SAP130: variants seen among roughly 807,000 people sequenced by gnomAD.
SAP130 encodes the protein Sin3A associated protein 130, also known as histone deacetylase complex subunit SAP130.
In SAP130, 16 loss-of-function variants were observed where a neutral mutation model predicts 103.2. The observed-to-expected ratio is 0.16, with a 90% CI of 0.10 to 0.24. The LOEUF (loss-of-function observed/expected upper bound fraction) is 0.24, where lower values mean the gene tolerates loss of function less well. SAP130 is among the 10% of genes least tolerant of loss of function. The pLI is 1.00. For missense variants in SAP130, 990 were observed against 1,359.7 expected (o/e 0.73, Z 4.28); for synonymous variants, 477 against 497.0 (o/e 0.96, Z 0.53).
chr2:127,977,997 G>A lies in SAP130; in HGVS notation c.2051C>T (p.Pro684Leu), dbSNP rs1206286443. 5 of 1,551,660 alleles carry A rather than the reference G, an allele frequency of 3.2e-6. No individual in the cohort carries two copies. The African/African-American group carries it at 6.8e-5, about 21-fold the overall frequency. The change falls in exon 15 of 21, where the codon CCT becomes CTT. Residue 684 changes from proline to leucine, a missense_variant. Physicochemically the swap from Pro to Leu is moderately conservative, Grantham distance 98. Coordinates refer to ENST00000643581, the MANE Select transcript of SAP130 (RefSeq NM_001330301.2). ...CTTAGGTGCTCACCCTGCAGGCCTAGGTGACCCAGACGTACTCCGCATAGA... is the reference window on the plus strand; with the variant it reads ...CTTAGGTGCTCACCCTGCAGGCCTAAGTGACCCAGACGTACTCCGCATAGA... ...ESSMRSTSGS[P>L]RPAGAKPKSE...
chr2:127,989,339 C>T lies in SAP130; in HGVS notation c.1780+225G>A, dbSNP rs2105009689. 6.6e-6 allele frequency among the ~76,000 whole-genome samples: 1 copy of T among 152,160 alleles called. No homozygotes were observed. Among genetic ancestry groups the T allele is most frequent in the African/African-American group, 2.4e-5 (1 of 41,508 alleles). On this transcript the variant is annotated intron_variant, in intron 13 of 20. Coordinates refer to ENST00000643581, the MANE Select transcript of SAP130 (RefSeq NM_001330301.2). The surrounding 1 kb of genome is among the most constrained non-coding windows in gnomAD (Gnocchi z 4.6). ...GTCTTGATCTCCTGACCTCGTGATC[C>T]ACCCGCCTCAGCCTCCCAAAGTGCT...
At chr2:127,991,220 A>G (rs1225929115) in intron 12 of SAP130, among the ~76,000 whole-genome samples, 1 of 152,226 alleles carries the variant, frequency 6.6e-6, no homozygotes, top group Non-Finnish European at 1.5e-5. Context: ...ACTACACTCC[A>G]GCCTGGGCAA....
chr2:127,981,910 C>A (rs956419153), intron 14 of SAP130, among the ~76,000 whole-genome samples: 1 of 152,136 alleles, frequency 6.6e-6, no homozygotes, highest in East Asian at 1.9e-4. Flanking sequence ...GTAAGGGGGG[C>A]TGCCTCCTCT....
chr2:127,950,416 A>C lies in SAP130; in HGVS notation c.2423-8T>G, dbSNP rs748216318. On this transcript the variant is annotated splice_region_variant and splice_polypyrimidine_tract_variant and intron_variant, in intron 16 of 20. Coordinates refer to ENST00000643581, the MANE Select transcript of SAP130 (RefSeq NM_001330301.2). ...TAGCCAGTGGAGGAACTGCTGTCAT[A>C]GGAAAAGGAGCACACATATCTGTAA... is the stretch of plus-strand genomic sequence containing the variant. The C allele has an allele frequency of 6.8e-6, 11 of 1,613,916 alleles. No homozygotes were observed. The highest frequency in any genetic ancestry group is 9.3e-6 in the Non-Finnish European group (11 of 1,179,902).
At chr2:127,981,480 G>A (rs1453466963) in intron 14 of SAP130, among the ~76,000 whole-genome samples, 2 of 96,816 alleles carry the variant, frequency 2.1e-5, no homozygotes, top group African/African-American at 8.5e-5. Context: ...CTGCACCCCC[G>A]ACTCAGCTCC....
intron 6 of SAP130, 21 bp downstream of exon 6, chr2:128,013,009 G>T: frequency 6.3e-7 from 1 of 1,594,836 alleles, no homozygotes. Flanking sequence ...GGCCCTTAAT[G>T]CACCCCAGGC....
chr2:127,941,377 A>C lies in SAP130; in HGVS notation c.*629T>G, dbSNP rs1678695261. On this transcript the variant is annotated 3_prime_UTR_variant, in exon 21 of 21. Transcript: ENST00000643581. The stretch of plus-strand genomic sequence containing the variant: ...ATGGTGTTGCCTGCTCTGAACCTCC[A>C]CAAAAACCCAGTTCTGACACACGCA... 6.6e-6 allele frequency: 1 copy of C among 152,180 alleles called. No homozygotes were observed. Among genetic ancestry groups the C allele is most frequent in the Non-Finnish European group, 1.5e-5 (1 of 68,042 alleles). 9.4% of individuals were successfully genotyped at this position (152,180 alleles called of 1,614,324 possible).
At chr2:127,992,200 G>C (rs959750528) in intron 12 of SAP130, among the ~76,000 whole-genome samples, 1 of 151,870 alleles carries the variant, frequency 6.6e-6, no homozygotes, top group Non-Finnish European at 1.5e-5. Context: ...TCAAACTTTT[G>C]GGCCCAAGTG....
intron 11 of SAP130, among the ~76,000 whole-genome samples, chr2:127,995,538 G>C (rs1683118508): frequency 6.6e-6 from 1 of 152,160 alleles, no homozygotes; most frequent in African/African-American, 2.4e-5. Flanking sequence ...GTGGATAAGA[G>C]AAAGTTTCTT....
chr2:128,025,795 A>G (rs1374634994), intron 2 of SAP130, among the ~76,000 whole-genome samples: 1 of 152,128 alleles, frequency 6.6e-6, no homozygotes, highest in East Asian at 1.9e-4. Flanking sequence ...CCATAGGGAA[A>G]CCGCATATCC....
chr2:127,968,949 T>C (rs999978169), intron 15 of SAP130, among the ~76,000 whole-genome samples: 2 of 152,208 alleles, frequency 1.3e-5, no homozygotes, highest in Admixed American at 6.5e-5. Context: ...ACACCAGACA[T>C]GAGGACTCAT....
At chr2:127,949,344 G>A (rs1301019637) in intron 18 of SAP130, among the ~76,000 whole-genome samples, 1 of 152,140 alleles carries the variant, frequency 6.6e-6, no homozygotes, top group Non-Finnish European at 1.5e-5. Context: ...ATCATATGTG[G>A]GTTTATTAAA....
At chr2:128,027,818 G>A in intron 1 of SAP130, 122 bp downstream of exon 1, 3 of 627,884 alleles carry the variant, frequency 4.8e-6, no homozygotes, top group Non-Finnish European at 6.0e-6. Context: ...CCGAGCCGCA[G>A]GAGACGAGGA....
chr2:128,020,777 T>C (rs1006496707), intron 2 of SAP130, among the ~76,000 whole-genome samples: 2 of 151,968 alleles, frequency 1.3e-5, no homozygotes, highest in Non-Finnish European at 2.9e-5. Context: ...GGCAGGTGGA[T>C]CACCTGAGGT....
intron 5 of SAP130, among the ~76,000 whole-genome samples, chr2:128,013,468 C>T (rs1454985162): frequency 6.6e-6 from 1 of 152,154 alleles, no homozygotes; most frequent in Non-Finnish European, 1.5e-5. Flanking sequence ...TGACGAGGCT[C>T]GGACACTTTG....
At chr2:127,985,049 G>C (rs1682273359) in intron 14 of SAP130, among the ~76,000 whole-genome samples, 1 of 152,188 alleles carries the variant, frequency 6.6e-6, no homozygotes, top group African/African-American at 2.4e-5. Flanking sequence ...TTCACATTTA[G>C]CTTTCTCAGA....
chr2:128,003,735 C>T (rs1353833661), intron 7 of SAP130, among the ~76,000 whole-genome samples: 1 of 151,728 alleles, frequency 6.6e-6, no homozygotes, highest in Admixed American at 6.6e-5. Flanking sequence ...TGTCTAATCA[C>T]CATATTACAG....
At chr2:127,971,575 C>T (rs1681096487) in intron 15 of SAP130, among the ~76,000 whole-genome samples, 1 of 152,242 alleles carries the variant, frequency 6.6e-6, no homozygotes, top group Admixed American at 6.5e-5. Flanking sequence ...GCATGAGCCA[C>T]CGTGCCCCGC....
chr2:127,960,096 C>A (rs559977920), intron 15 of SAP130, among the ~76,000 whole-genome samples: 3 of 152,244 alleles, frequency 2.0e-5, no homozygotes, highest in South Asian at 2.1e-4. Context: ...GTATTATTAG[C>A]CTAATCTGAA....
Sources: gnomAD v4.1 joint callset for allele counts (sites outside exome capture counted in the v4.1 genomes callset) on GRCh38, gnomAD v4.1.1 for gene constraint, Gnocchi (gnomAD v3.1) non-coding constraint, MANE v1.5 for transcripts, NCBI Gene and HGNC (gene_info 2026-07-23, HGNC 2026-07-21) for gene names.